The following AMBRA1 variants were observed in gnomAD, a reference collection of about 807,000 sequenced individuals.
AMBRA1 encodes activating molecule in BECN1-regulated autophagy protein 1.
In AMBRA1, 47 loss-of-function variants were observed where a neutral mutation model predicts 125.4. That is an observed-to-expected ratio of 0.37 (90% CI 0.30 to 0.48). The LOEUF is 0.48. Ranked by LOEUF, AMBRA1 falls within the 20% of genes least tolerant of loss-of-function variation. The pLI, the probability that AMBRA1 is intolerant of heterozygous loss-of-function variation, is 0.99. For missense variants in AMBRA1, 1,331 were observed against 1,693.4 expected (o/e 0.79, Z 3.76); for synonymous variants, 626 against 655.5 (o/e 0.95, Z 0.69).
chr11:46,504,834 A>C (rs1950973250), intron 9 of AMBRA1, among the ~76,000 whole-genome samples: 1 of 152,220 alleles, frequency 6.6e-6, no homozygotes, highest in Non-Finnish European at 1.5e-5. Context: ...AGGACAATAA[A>C]ACTCAGACAC....
At chr11:46,517,767 G>C (rs1400395706) in intron 7 of AMBRA1, among the ~76,000 whole-genome samples, 1 of 148,428 alleles carries the variant, frequency 6.7e-6, no homozygotes, top group African/African-American at 2.5e-5. Context: ...GGAGGCAGAG[G>C]TTGCAGTGAG....
At chr11:46,545,922 CA>C in intron 4 of AMBRA1, 146 bp from the exon 5 acceptor site, 1 of 698,898 alleles carries the variant, frequency 1.4e-6, no homozygotes, top group Non-Finnish European at 2.4e-6. Flanking sequence ...TGTAGAAGAT[CA>C]GCGATCTGGT....
At chr11:46,466,098 TGGAAGA>T (rs1263764188) in intron 11 of AMBRA1, among the ~76,000 whole-genome samples, 1 of 152,226 alleles carries the variant, frequency 6.6e-6, no homozygotes, top group Non-Finnish European at 1.5e-5. Context: ...AATAGCACTG[TGGAAGA>T]TGTACATAAA....
chr11:46,496,161 G>A (rs1479844067), intron 9 of AMBRA1, among the ~76,000 whole-genome samples: 1 of 151,862 alleles, frequency 6.6e-6, no homozygotes, highest in Admixed American at 6.6e-5. Context: ...ATCACCTAGG[G>A]TCAGGAGTTC....
chr11:46,418,397 A>T (rs1015049715), intron 14 of AMBRA1, among the ~76,000 whole-genome samples: 2 of 145,436 alleles, frequency 1.4e-5, no homozygotes, highest in African/African-American at 5.0e-5. Context: ...TTTATTATAT[A>T]TTATATATAT....
intron 1 of AMBRA1, among the ~76,000 whole-genome samples, chr11:46,585,813 T>C (rs1413778895): frequency 6.9e-6 from 1 of 145,640 alleles, no homozygotes; most frequent in African/African-American, 2.6e-5. Context: ...AATAATTTTT[T>C]TTTTCTTTTG....
intron 1 of AMBRA1, among the ~76,000 whole-genome samples, chr11:46,585,652 C>T (rs1232240671): frequency 1.9e-5 from 1 of 52,200 alleles, no homozygotes; most frequent in Non-Finnish European, 3.3e-5. Context: ...GGTGACAGAG[C>T]AAGACTCCAT....
In AMBRA1 at chr11:46,543,338, C is replaced by T; in HGVS notation, c.679G>A (p.Ala227Thr). The T allele has an allele frequency of 6.2e-7, 1 of 1,613,988 alleles. No homozygotes were observed. Among genetic ancestry groups the T allele is most frequent in the Non-Finnish European group, 8.5e-7 (1 of 1,179,962 alleles). Residue 227 changes from alanine (A) to threonine (T), a missense_variant, in exon 7 of 18, where the codon GCC becomes ACC. By Grantham distance (58) the Ala-to-Thr change is moderately conservative (BLOSUM62 0). Transcript: ENST00000683756. ...CGAACTGGCTGTGATTGCAGGAGGG[C>T]ACGCTGACGGTAGTGGGATAATTCT... is the stretch of plus-strand genomic sequence containing the variant. The part of the protein sequence containing the change: ...GTELSHYRQR[A>T]LLQSQPVRRT...
chr11:46,506,120 G>A (rs1056890014), intron 9 of AMBRA1, among the ~76,000 whole-genome samples: 1 of 152,196 alleles, frequency 6.6e-6, no homozygotes, highest in East Asian at 1.9e-4. Context: ...TTCACTGTAA[G>A]TATCTGCCTG....
At chr11:46,418,088 G>A (rs764647870) in intron 14 of AMBRA1, 36 bp from the exon 15 acceptor site, 1 of 1,516,038 alleles carries the variant, frequency 6.6e-7, no homozygotes, top group African/African-American at 1.4e-5. Flanking sequence ...AAGAGAATGG[G>A]AGGAGAAACA....
rs536125455 is a variant in AMBRA1, at chr11:46,500,183, G to A, written c.2340-5979C>T. Reference sequence around the variant, plus strand: ...CTGTGGGGCCAGCAGGCATTGACAAGTGATCTCAATGCCAGTCACTGCTGT... The same window carrying A: ...CTGTGGGGCCAGCAGGCATTGACAAATGATCTCAATGCCAGTCACTGCTGT... On this transcript the variant is annotated intron_variant, in intron 9 of 17. Transcript: ENST00000683756. 3.3e-5 allele frequency among the ~76,000 whole-genome samples: 5 copies of A among 152,342 alleles called. No individual in the cohort carries two copies. The South Asian group carries it at 1.0e-3, about 32-fold the overall frequency.
chr11:46,567,128 G>A (rs2043560887), intron 1 of AMBRA1, among the ~76,000 whole-genome samples: 1 of 152,192 alleles, frequency 6.6e-6, no homozygotes, highest in Non-Finnish European at 1.5e-5. Context: ...CTGGAGTGCA[G>A]TGGTCCCATC....
intron 11 of AMBRA1, among the ~76,000 whole-genome samples, chr11:46,489,616 A>C (rs1381109966): frequency 6.6e-6 from 1 of 152,182 alleles, no homozygotes; most frequent in Non-Finnish European, 1.5e-5. Flanking sequence ...CAGTAAATTA[A>C]GTATATCAGG....
intron 17 of AMBRA1, among the ~76,000 whole-genome samples, chr11:46,402,499 T>C (rs959059035): frequency 1.3e-5 from 2 of 152,170 alleles, no homozygotes; most frequent in Admixed American, 6.5e-5. Context: ...GTAGCTGGGA[T>C]TACATGTGTG....
At chr11:46,417,796 G>A (rs1946610582) in intron 15 of AMBRA1, 117 bp downstream of exon 15, 1 of 1,250,422 alleles carries the variant, frequency 8.0e-7, no homozygotes, top group Non-Finnish European at 1.1e-6. Context: ...CGCTGAGAAT[G>A]AGGCAGGCTC....
intron 1 of AMBRA1, among the ~76,000 whole-genome samples, chr11:46,589,656 G>C (rs974922783): frequency 6.6e-6 from 1 of 151,758 alleles, no homozygotes; most frequent in African/African-American, 2.4e-5. Flanking sequence ...GTCTCCCTCT[G>C]TCGCCCAGGC....
rs1398623719 is a variant in AMBRA1 at position 46,583,652 on chromosome 11, C to CAAAAAAAAAA, written c.-121+10166_-121+10175dup. ...TCTACAATGAACTCAAACAAATTTC[C>CAAAAAAAAAA]AAAAAAAAAAAAAAAAAAAAAAAAA... On this transcript the variant is annotated intron_variant, in intron 1 of 17. Coordinates refer to ENST00000683756, the MANE Select transcript of AMBRA1 (RefSeq NM_001387011.1). Among the ~76,000 whole-genome samples the CAAAAAAAAAA allele has an allele frequency of 2.6e-3, 33 of 12,560 alleles. 5 individuals are homozygous for CAAAAAAAAAA. The highest frequency in any genetic ancestry group is 4.4e-3 in the Non-Finnish European group (28 of 6,330). 8.2% of individuals were successfully genotyped at this position (12,560 alleles called of 152,430 possible).
chr11:46,533,740 A>G (rs1393810069), intron 7 of AMBRA1, among the ~76,000 whole-genome samples: 1 of 152,138 alleles, frequency 6.6e-6, no homozygotes, highest in East Asian at 1.9e-4. Context: ...ATCTTTTTAA[A>G]ATATAAGATC....
At chr11:46,488,080 A>T (rs964300559) in intron 11 of AMBRA1, among the ~76,000 whole-genome samples, 6 of 152,242 alleles carry the variant, frequency 3.9e-5, no homozygotes, top group African/African-American at 1.4e-4. Context: ...CAATGGTAAA[A>T]TAGTTAATTC....
Sources: allele counts gnomAD v4.1 joint callset (sites outside exome capture counted in the v4.1 genomes callset), GRCh38; gene constraint gnomAD v4.1.1; transcripts MANE v1.5; gene names NCBI Gene and HGNC (gene_info 2026-07-23, HGNC 2026-07-21).